KRT4: variants seen among roughly 807,000 people sequenced by gnomAD.
The protein encoded by KRT4 is keratin 4, also known as keratin, type II cytoskeletal 4.
Under a neutral mutation model 50.6 loss-of-function variants are expected in KRT4, and 47 were observed. The ratio of observed to expected loss-of-function variants is 0.93; its 90% CI spans 0.73 to 1.18. KRT4 has a LOEUF of 1.18. Among genes scored for constraint, KRT4 ranks in the 50% most tolerant of loss-of-function variants. The pLI is 0.00. For synonymous variants in KRT4, 254 were observed against 251.2 expected (o/e 1.01, Z -0.10); for missense variants, 651 against 645.7 (o/e 1.01, Z -0.09).
rs891503269 is a variant in KRT4, at chr12:52,806,879, A to G, written c.*190T>C. 3 of 683,260 alleles carry G rather than the reference A, an allele frequency of 4.4e-6. No homozygotes were observed. The highest frequency in any genetic ancestry group is 7.7e-6 in the Non-Finnish European group (3 of 392,072). The allele number at this position is 683,260 out of a possible 1,614,324, so 42.3% of individuals were successfully genotyped here. A position where few individuals can be genotyped will look rare whatever the true frequency, so the allele number is the denominator to read the frequency against. ...GGCCCAAATCAAGAAGTAGCTACCA[A>G]ACTCCAAGAGGCAGAGTCCCTGTCC... is the stretch of plus-strand genomic sequence containing the variant. On this transcript the variant is annotated 3_prime_UTR_variant, in exon 9 of 9. Coordinates refer to ENST00000551956, the MANE Select transcript of KRT4 (RefSeq NM_002272.4).
At position 52,807,241 on chromosome 12, in the gene KRT4, C is replaced by T. The variant is rs962377235; in HGVS notation, c.1391G>A (p.Ser464Asn). The T allele has an allele frequency of 1.2e-6, 2 of 1,614,124 alleles. No homozygotes were observed. Among genetic ancestry groups the T allele is most frequent in the African/African-American group, 1.3e-5 (1 of 74,938 alleles). ...CQSAVSISVV[S>N]GSTSTGGISG... ...GATGCCTCCAGTGCTGGTGCTACCG[C>T]TGACCACAGCTGCAGAAAAGACACA... Residue 464 changes from serine (S) to asparagine (N), a missense_variant, in exon 9 of 9, where the codon AGC (serine) becomes AAC (asparagine). Coordinates refer to ENST00000551956, the MANE Select transcript of KRT4 (RefSeq NM_002272.4).
In KRT4 at chr12:52,807,862, G is replaced by A; in HGVS notation, c.1128C>T (p.Cys376=). 6.2e-7 allele frequency: 1 copy of A among 1,613,402 alleles called. No individual in the cohort carries two copies. Among genetic ancestry groups the A allele is most frequent in the Non-Finnish European group, 8.5e-7 (1 of 1,179,970 alleles). Residue 376 remains cysteine (C), a splice_region_variant and synonymous_variant, in exon 7 of 9, where the codon TGC becomes TGT. Transcript: ENST00000551956. ...RAEIENIKKQ[C]QTLQVSVADA... is the part of the protein sequence containing the mutation. The stretch of plus-strand genomic sequence containing the variant: ...CAGCCACGGATACCTGAAGAGTCTG[G>A]CACTATTGACAAAGGCATTAGATAG...
intron 4 of KRT4, chr12:52,809,077 T>A: frequency 1.6e-6 from 1 of 641,322 alleles, no homozygotes; most frequent in East Asian, 2.8e-5. Context: ...TGAGTGCCGG[T>A]GTGTTGGAAT....
At chr12:52,809,641 G>A (rs929103376) in intron 3 of KRT4, among the ~76,000 whole-genome samples, 163 bp from the exon 4 acceptor site, 1 of 152,222 alleles carries the variant, frequency 6.6e-6, no homozygotes, top group African/African-American at 2.4e-5. Flanking sequence ...CTTCCCTAGA[G>A]CCACCTGAAG....
chr12:52,808,881 C>G (rs200350681), intron 4 of KRT4, 31 bp from the exon 5 acceptor site: 44 of 1,613,264 alleles, frequency 2.7e-5, no homozygotes, highest in East Asian at 1.1e-4. Context: ...ATCAGCCCCC[C>G]CAGGAAAGCC....
At position 52,807,411 on chromosome 12, in the gene KRT4, G is replaced by T. The variant is rs1939819092; in HGVS notation, c.1347-18C>A. The T allele has an allele frequency of 6.2e-7, 1 of 1,614,036 alleles. No homozygotes were observed. Among genetic ancestry groups the T allele is most frequent in the Non-Finnish European group, 8.5e-7 (1 of 1,180,000 alleles). The stretch of plus-strand genomic sequence containing the variant: ...CAGACATTCTGTAGGGGAAAGAAAA[G>T]GCGGTGAGCCTCAGGGAGCACAGAA... On this transcript the variant is annotated intron_variant, in intron 7 of 8. Coordinates refer to ENST00000551956, the MANE Select transcript of KRT4 (RefSeq NM_002272.4).
At chr12:52,811,625 G>T in intron 2 of KRT4, 138 bp downstream of exon 2, 1 of 716,900 alleles carries the variant, frequency 1.4e-6, no homozygotes, top group Non-Finnish European at 2.5e-6. Context: ...TGACTATGTG[G>T]ATGTAGCAAA....
In KRT4 at chr12:52,811,743, C is replaced by T. The variant is rs370143479; in HGVS notation, c.677+20G>A. 33 of 1,597,938 alleles carry T rather than the reference C, an allele frequency of 2.1e-5. No individual in the cohort carries two copies. Among genetic ancestry groups the T allele is most frequent in the Non-Finnish European group, 2.7e-5 (31 of 1,166,552 alleles). On this transcript the variant is annotated intron_variant, in intron 2 of 8. Coordinates refer to ENST00000551956, the MANE Select transcript of KRT4 (RefSeq NM_002272.4). ...TGGGCACATGTGTCAGATGGCGTCC[C>T]CTCCTTCCTCCCCATGTACTTAGTC...
Position 52,808,866 on chromosome 12 carries a change from C to G in KRT4, c.835-16G>C, listed in dbSNP as rs367668872. 6 of 1,613,996 alleles carry G rather than the reference C, an allele frequency of 3.7e-6. No homozygotes were observed. The highest frequency in any genetic ancestry group is 4.2e-6 in the Non-Finnish European group (5 of 1,179,864). On this transcript the variant is annotated splice_polypyrimidine_tract_variant and intron_variant, in intron 4 of 8. Coordinates refer to ENST00000551956, the MANE Select transcript of KRT4 (RefSeq NM_002272.4). ...GGGACAGCTCCTGCAGGGCAAATGT[C>G]TCACATCAGCCCCCCCAGGAAAGCC...
In KRT4 at chr12:52,807,626, C is replaced by T. The variant is rs775449147; in HGVS notation, c.1346+18G>A. On this transcript the variant is annotated intron_variant, in intron 7 of 8. Transcript: ENST00000551956. ...GACCTCTCTGGCCCTCATGTTCACA[C>T]CCTGCCTAACCCCTCACCTGTACTC... 54 of 1,612,586 alleles carry T rather than the reference C, an allele frequency of 3.3e-5. No individual in the cohort carries two copies. The highest frequency in any genetic ancestry group is 4.0e-5 in the Non-Finnish European group (47 of 1,179,636).
At chr12:52,809,176 C>A (rs1335722605) in intron 4 of KRT4, 4 of 645,800 alleles carry the variant, frequency 6.2e-6, no homozygotes, top group Non-Finnish European at 1.1e-5. Context: ...ATCTAATCAC[C>A]CCGTCTAAGA....
intron 1 of KRT4, 142 bp from the exon 2 acceptor site, chr12:52,812,119 A>G: frequency 1.4e-6 from 1 of 708,288 alleles, no homozygotes; most frequent in Non-Finnish European, 2.5e-6. Context: ...TTGCATCTCC[A>G]GGGCACCATT....
intron 2 of KRT4, among the ~76,000 whole-genome samples, chr12:52,811,166 CTTTG>C (rs1313896893): frequency 1.3e-5 from 2 of 152,142 alleles, no homozygotes; most frequent in African/African-American, 2.4e-5. Flanking sequence ...CTCCATTTCC[CTTTG>C]TTTGGTGGGT....
At chr12:52,812,720 A>T (rs1335091849) in intron 1 of KRT4, among the ~76,000 whole-genome samples, 1 of 152,252 alleles carries the variant, frequency 6.6e-6, no homozygotes, top group South Asian at 2.1e-4. Flanking sequence ...TTGCTATCAC[A>T]TCTGCATGTC....
chr12:52,813,426 C>T (rs987993840), intron 1 of KRT4, among the ~76,000 whole-genome samples, 171 bp downstream of exon 1: 2 of 152,046 alleles, frequency 1.3e-5, no homozygotes, highest in African/African-American at 2.4e-5. Context: ...CCACCAGCCA[C>T]GGGACAAAAA....
Position 52,811,811 on chromosome 12 carries a change from T to A in KRT4, c.629A>T (p.Gln210Leu). The change falls in exon 2 of 9, where the codon CAG (glutamine) becomes CTG (leucine). Residue 210 changes from glutamine (Q) to leucine (L), a missense_variant. By Grantham distance (113) the Gln-to-Leu change is moderately radical. Coordinates refer to ENST00000551956, the MANE Select transcript of KRT4 (RefSeq NM_002272.4). ...DTLGNDKGRL[Q>L]SELKTMQDSV... ...GTCCTGCATGGTCTTCAGCTCAGACTGCAGGCGCCCTTTGTCATTGCCCAA... is the reference window on the plus strand; with the variant it reads ...GTCCTGCATGGTCTTCAGCTCAGACAGCAGGCGCCCTTTGTCATTGCCCAA... 6.2e-7 allele frequency: 1 copy of A among 1,613,984 alleles called. No homozygotes were observed.
intron 2 of KRT4, chr12:52,811,387 G>A (rs925810957): frequency 2.2e-5 from 6 of 278,894 alleles, no homozygotes; most frequent in Middle Eastern, 1.3e-3. Context: ...CTGAAGCTCA[G>A]AGAGGTTCAG....
At chr12:52,809,533 C>T (rs1438770051) in intron 3 of KRT4, 55 bp from the exon 4 acceptor site, 15 of 1,285,408 alleles carry the variant, frequency 1.2e-5, no homozygotes, top group Admixed American at 3.4e-5. Context: ...AGTAGGAGGA[C>T]GGGTTACTAA....
intron 1 of KRT4, 112 bp downstream of exon 1, chr12:52,813,485 C>T (rs931244859): frequency 7.6e-6 from 7 of 916,882 alleles, no homozygotes; most frequent in African/African-American, 1.6e-5. Context: ...GAATTGGGGC[C>T]CAGGGAAGTT....
Sources: allele counts gnomAD v4.1 joint callset (sites outside exome capture counted in the v4.1 genomes callset), GRCh38; gene constraint gnomAD v4.1.1; transcripts MANE v1.5; gene names NCBI Gene and HGNC (gene_info 2026-07-23, HGNC 2026-07-21).